The following TENM3 variants were observed in gnomAD, a reference collection of about 807,000 sequenced individuals.
TENM3 encodes the protein teneurin transmembrane protein 3.
Under a neutral mutation model 255.1 loss-of-function variants are expected in TENM3, and 63 were observed. That is an observed-to-expected ratio of 0.25 (90% CI 0.20 to 0.30). The LOEUF (loss-of-function observed/expected upper bound fraction) is 0.30. Among genes scored for constraint, TENM3 ranks in the 10% least tolerant of loss-of-function variants. The pLI is 1.00. For synonymous variants in TENM3, 1,306 were observed against 1,322.3 expected, an observed-to-expected ratio of 0.99 and a Z score of 0.27; for missense variants, 2,929 against 3,461.1, an observed-to-expected ratio of 0.85 and a Z score of 3.86.
the TENM3 span, among the ~76,000 whole-genome samples, chr4:181,819,272 T>C: frequency 2.0e-5 from 3 of 152,064 alleles, no homozygotes; most frequent in Admixed American, 1.3e-4. Flanking sequence ...CCAATCGGCC[T>C]AGTCCCACCC....
chr4:182,409,937 T>C (rs1012520574), intron 3 of TENM3, among the ~76,000 whole-genome samples: 1 of 151,968 alleles, frequency 6.6e-6, no homozygotes, highest in East Asian at 1.9e-4. Flanking sequence ...GATCCTCCTA[T>C]CTCAGCCTCC....
rs376076052 is a variant in TENM3, at chr4:182,650,455, T to C, written c.989-3316T>C. On this transcript the variant is annotated intron_variant, in intron 5 of 27. Transcript: ENST00000511685. ...GGCATTGAAGAACTGGACTTACCCT[T>C]CTTTATTTTCAGATGTATTTTATTT... Among the ~76,000 whole-genome samples, 30 of 150,478 alleles carry C rather than the reference T, an allele frequency of 2.0e-4. 1 individual carries two copies. Among genetic ancestry groups the C allele is most frequent in the African/African-American group, 7.2e-4 (30 of 41,412 alleles).
the TENM3 span, among the ~76,000 whole-genome samples, chr4:181,488,905 G>T: frequency 2.0e-5 from 3 of 152,206 alleles, no homozygotes; most frequent in Admixed American, 6.5e-5. Flanking sequence ...ACCTGGCTGA[G>T]CTGCTTCTCT....
the TENM3 span, among the ~76,000 whole-genome samples, chr4:181,790,660 A>G: frequency 1.3e-5 from 2 of 152,236 alleles, no homozygotes; most frequent in Non-Finnish European, 2.9e-5. Context: ...ATCTAGACCC[A>G]GAAGAATAAG....
At chr4:181,770,279 A>G in the TENM3 span, among the ~76,000 whole-genome samples, 1 of 152,250 alleles carries the variant, frequency 6.6e-6, no homozygotes, top group Admixed American at 6.5e-5. Context: ...TTTTGAAACC[A>G]AAATAACAAA....
rs1561153287 is a variant in TENM3 at position 182,161,773 on chromosome 4, A to ATATATACACATATATATGTG, written c.-76+17025_-76+17026insCACATATATATGTGTATATA. On this transcript the variant is annotated intron_variant, in intron 1 of 2. Coordinates refer to the TENM3 transcript ENST00000512480. ...TATATATATACATATATATGTGTAT[A>ATATATACACATATATATGTG]TATATATACACAAATATATGTATAT... Among the ~76,000 whole-genome samples, 5 of 48,842 alleles carry ATATATACACATATATATGTG rather than the reference A, an allele frequency of 1.0e-4. 2 individuals carry two copies. Among genetic ancestry groups the ATATATACACATATATATGTG allele is most frequent in the East Asian group, 9.0e-4 (2 of 2,220 alleles). The allele number at this position is 48,842 out of a possible 152,430, so 32.0% of individuals were successfully genotyped here.
chr4:181,843,699 C>T, the TENM3 span, among the ~76,000 whole-genome samples: 1 of 150,644 alleles, frequency 6.6e-6, no homozygotes, highest in East Asian at 2.0e-4. Flanking sequence ...TGAGGCACCG[C>T]CTCTGGTAAG....
chr4:182,178,827 A>T (rs895266349), intron 1 of TENM3, among the ~76,000 whole-genome samples: 5 of 152,218 alleles, frequency 3.3e-5, no homozygotes, highest in Admixed American at 2.6e-4. Flanking sequence ...TAATGTTTGT[A>T]TATCAGCTTC....
At chr4:181,611,680 A>C in the TENM3 span, among the ~76,000 whole-genome samples, 1 of 152,216 alleles carries the variant, frequency 6.6e-6, no homozygotes, top group Non-Finnish European at 1.5e-5. Context: ...GGCATTTGAC[A>C]ATTATAGAGT....
At chr4:182,244,014 C>T (rs1285626179) in intron 1 of TENM3, among the ~76,000 whole-genome samples, 14 of 130,130 alleles carry the variant, frequency 1.1e-4, no homozygotes, top group South Asian at 9.6e-4. Flanking sequence ...AGTGCAGTGG[C>T]GTGACCTCGG....
intron 3 of TENM3, among the ~76,000 whole-genome samples, chr4:182,518,720 A>G (rs894275603): frequency 6.6e-6 from 1 of 152,196 alleles, no homozygotes; most frequent in African/African-American, 2.4e-5. Flanking sequence ...TCCTGAATAG[A>G]GGACCAGTAA....
chr4:182,164,718 G>T, intron 1 of TENM3, among the ~76,000 whole-genome samples: 1 of 152,144 alleles, frequency 6.6e-6, no homozygotes, highest in East Asian at 1.9e-4. Flanking sequence ...TTAACTGGTT[G>T]CGTGACATAG....
the TENM3 span, among the ~76,000 whole-genome samples, chr4:181,470,836 G>A: frequency 3.9e-5 from 6 of 152,120 alleles, no homozygotes; most frequent in African/African-American, 1.4e-4. Context: ...GAGGCAACAC[G>A]ACACATTGTA....
chr4:181,937,991 C>T, the TENM3 span, among the ~76,000 whole-genome samples: 1 of 152,170 alleles, frequency 6.6e-6, no homozygotes, highest in Non-Finnish European at 1.5e-5. Flanking sequence ...TATCACCAAG[C>T]CACTGAGGAT....
chr4:181,451,719 A>G, the TENM3 span, among the ~76,000 whole-genome samples: 1 of 152,144 alleles, frequency 6.6e-6, no homozygotes, highest in Non-Finnish European at 1.5e-5. Context: ...AAACATGGTA[A>G]TGTTCCTTGT....
the TENM3 span, among the ~76,000 whole-genome samples, chr4:182,063,370 C>T: frequency 1.3e-5 from 2 of 152,308 alleles, no homozygotes; most frequent in East Asian, 3.9e-4. Flanking sequence ...TTAAAAGTAA[C>T]AGATTTGCAT....
At chr4:182,421,990 T>A (rs1770873296) in intron 3 of TENM3, among the ~76,000 whole-genome samples, 1 of 152,144 alleles carries the variant, frequency 6.6e-6, no homozygotes, top group Non-Finnish European at 1.5e-5. Context: ...GCGAAATGAA[T>A]CCCACTGTGG....
At chr4:181,843,413 A>G in the TENM3 span, among the ~76,000 whole-genome samples, 1 of 152,182 alleles carries the variant, frequency 6.6e-6, no homozygotes, top group Non-Finnish European at 1.5e-5. Context: ...GTAGCCCCTG[A>G]TATATACTAA....
At chr4:181,631,449 T>C in the TENM3 span, among the ~76,000 whole-genome samples, 1 of 152,026 alleles carries the variant, frequency 6.6e-6, no homozygotes, top group Non-Finnish European at 1.5e-5. Context: ...CCCACCACCA[T>C]GGGTGGCTAA....
Sources: gnomAD v4.1 joint callset for allele counts (sites outside exome capture counted in the v4.1 genomes callset) on GRCh38, gnomAD v4.1.1 for gene constraint, MANE v1.5 for transcripts, NCBI Gene and HGNC (gene_info 2026-07-23, HGNC 2026-07-21) for gene names.